GRID2: variants seen among roughly 807,000 people sequenced by gnomAD.
GRID2 encodes glutamate receptor ionotropic, delta-2.
GRID2 carries 33 observed loss-of-function variants against 114.8 expected under a neutral mutation model. The ratio of observed to expected loss-of-function variants is 0.29; its 90% CI spans 0.22 to 0.38. The LOEUF is 0.38. Among genes scored for constraint, GRID2 ranks in the 10% least tolerant of loss-of-function variants. GRID2 has a pLI of 1.00. For synonymous variants in GRID2, 505 were observed against 449.9 expected (o/e 1.12, Z -1.55); for missense variants, 1,184 against 1,257.7 (o/e 0.94, Z 0.89).
At chr4:92,689,733 G>T (rs1433786234) in intron 2 of GRID2, among the ~76,000 whole-genome samples, 1 of 152,178 alleles carries the variant, frequency 6.6e-6, no homozygotes, top group African/African-American at 2.4e-5. Flanking sequence ...TATTGGGGGT[G>T]GTTGTTCTAT....
chr4:92,313,117 G>T (rs1187174765), intron 1 of GRID2, among the ~76,000 whole-genome samples: 2 of 141,932 alleles, frequency 1.4e-5, no homozygotes, highest in South Asian at 2.2e-4. Context: ...GTGTGTGTGT[G>T]TGTGTATATG....
At chr4:92,939,602 G>A (rs192887657) in intron 2 of GRID2, among the ~76,000 whole-genome samples, 7 of 147,272 alleles carry the variant, frequency 4.8e-5, no homozygotes, top group African/African-American at 1.2e-4. Context: ...GGCTTTTGTT[G>A]CCATTGCTTT....
At chr4:93,139,946 T>C (rs1243514484) in intron 4 of GRID2, among the ~76,000 whole-genome samples, 3 of 152,078 alleles carry the variant, frequency 2.0e-5, no homozygotes, top group African/African-American at 7.2e-5. Flanking sequence ...GTAACAATAT[T>C]CTAAGTAATT....
At chr4:93,381,289 C>G (rs1243642140) in intron 8 of GRID2, among the ~76,000 whole-genome samples, 1 of 152,008 alleles carries the variant, frequency 6.6e-6, no homozygotes, top group African/African-American at 2.4e-5. Flanking sequence ...ATGATTTTGA[C>G]CATTTCAAGA....
chr4:92,452,072 A>C (rs1397545612), intron 1 of GRID2, among the ~76,000 whole-genome samples: 1 of 152,182 alleles, frequency 6.6e-6, no homozygotes, highest in East Asian at 1.9e-4. Flanking sequence ...GATTGCAAAA[A>C]GCCAAGGATG....
At chr4:93,483,245 T>A (rs575825753) in intron 11 of GRID2, among the ~76,000 whole-genome samples, 8 of 152,158 alleles carry the variant, frequency 5.3e-5, no homozygotes, top group African/African-American at 1.9e-4. Flanking sequence ...CATGAACTAT[T>A]CAGTCAGCTT....
intron 2 of GRID2, among the ~76,000 whole-genome samples, chr4:92,787,248 A>G (rs1578190750): frequency 6.6e-6 from 1 of 151,938 alleles, no homozygotes; most frequent in Admixed American, 6.6e-5. Context: ...TCTAACTGAT[A>G]GAATCAGATG....
At chr4:93,363,280 C>T (rs1762041037) in intron 8 of GRID2, among the ~76,000 whole-genome samples, 1 of 152,156 alleles carries the variant, frequency 6.6e-6, no homozygotes, top group South Asian at 2.1e-4. Flanking sequence ...TCATGCTCTA[C>T]TCCAGCTGCA....
At chr4:93,212,700 G>A (rs904836841) in intron 5 of GRID2, among the ~76,000 whole-genome samples, 5 of 151,842 alleles carry the variant, frequency 3.3e-5, no homozygotes, top group African/African-American at 1.2e-4. Context: ...TTTGAATAGT[G>A]TAAGACATTA....
At chr4:93,016,741 A>G (rs1209333283) in intron 2 of GRID2, among the ~76,000 whole-genome samples, 1 of 152,204 alleles carries the variant, frequency 6.6e-6, no homozygotes, top group Non-Finnish European at 1.5e-5. Context: ...GGAGGCTTAG[A>G]AAAAGAAAAG....
intron 2 of GRID2, among the ~76,000 whole-genome samples, chr4:92,739,101 C>A (rs762395705): frequency 6.6e-5 from 10 of 152,166 alleles, no homozygotes; most frequent in Non-Finnish European, 1.5e-4. Context: ...TCTCTCCAGA[C>A]TATTTATAGT....
intron 1 of GRID2, among the ~76,000 whole-genome samples, chr4:92,568,877 T>C (rs1262362883): frequency 6.6e-6 from 1 of 152,104 alleles, no homozygotes; most frequent in Non-Finnish European, 1.5e-5. Context: ...TCCAGCTCCA[T>C]CCATTTTCCT....
chr4:92,585,105 T>C (rs1579629782), intron 1 of GRID2, among the ~76,000 whole-genome samples: 1 of 151,990 alleles, frequency 6.6e-6, no homozygotes, highest in African/African-American at 2.4e-5. Context: ...GGCTTGGCTT[T>C]GATGGTTTTC....
chr4:92,385,892 GTGTGTGTGTATA>G (rs1463257860), intron 1 of GRID2, among the ~76,000 whole-genome samples: 4 of 78,838 alleles, frequency 5.1e-5, no homozygotes, highest in Non-Finnish European at 7.8e-5. Context: ...GTGTGTGTGT[GTGTGTGTGTATA>G]TATATATATA....
chr4:92,443,228 A>C (rs1733218380), intron 1 of GRID2, among the ~76,000 whole-genome samples: 1 of 152,172 alleles, frequency 6.6e-6, no homozygotes, highest in Non-Finnish European at 1.5e-5. Flanking sequence ...ATTTTATGAC[A>C]AGAATTATTT....
intron 11 of GRID2, among the ~76,000 whole-genome samples, chr4:93,457,346 A>C (rs759724305): frequency 6.6e-6 from 1 of 152,002 alleles, no homozygotes; most frequent in African/African-American, 2.4e-5. Context: ...AACGGTTAGG[A>C]TGGAATTTCA....
At chr4:92,654,673 A>AT (rs149899874) in intron 2 of GRID2, among the ~76,000 whole-genome samples, 1,719 of 151,672 alleles carry the variant, frequency 0.011, 33 homozygotes, top group African/African-American at 0.04. Flanking sequence ...AATGTTAAGC[A>AT]TTTTTTTCAT....
chr4:93,560,221 G>GAAAAAAAAGAAA (rs1734769092), intron 13 of GRID2, among the ~76,000 whole-genome samples: 1 of 7,480 alleles, frequency 1.3e-4, no homozygotes, highest in South Asian at 2.9e-3. Flanking sequence ...AGAACTTAAA[G>GAAAAAAAAGAAA]TAAAAAAAAA....
intron 13 of GRID2, among the ~76,000 whole-genome samples, chr4:93,550,112 T>C (rs188911360): frequency 1.3e-5 from 2 of 152,242 alleles, no homozygotes; most frequent in Admixed American, 1.3e-4. Context: ...TTTTATTTTA[T>C]TTATTTTTAG....
Sources: gnomAD v4.1 joint callset for allele counts (sites outside exome capture counted in the v4.1 genomes callset) on GRCh38, gnomAD v4.1.1 for gene constraint, MANE v1.5 for transcripts, NCBI Gene and HGNC (gene_info 2026-07-23, HGNC 2026-07-21) for gene names.